The following DNAI7 variants were observed in gnomAD, a reference collection of about 807,000 sequenced individuals.
DNAI7 encodes cancer susceptibility 1.
A neutral mutation model predicts 86.6 loss-of-function variants in DNAI7; 78 were observed. The ratio of observed to expected loss-of-function variants is 0.90; its 90% CI spans 0.75 to 1.09. DNAI7 has a LOEUF of 1.09. Ranked by LOEUF, DNAI7 falls within the 50% of genes least tolerant of loss-of-function variation. DNAI7 has a pLI of 0.00. For missense variants in DNAI7, 753 were observed against 810.2 expected, an observed-to-expected ratio of 0.93 and a Z score of 0.86; for synonymous variants, 274 against 273.0, an observed-to-expected ratio of 1.00 and a Z score of -0.04.
At chr12:25,153,670 C>A (rs983962989) in intron 6 of DNAI7, among the ~76,000 whole-genome samples, 1 of 152,168 alleles carries the variant, frequency 6.6e-6, no homozygotes, top group Non-Finnish European at 1.5e-5. Context: ...TAGCAGTTAG[C>A]TAGCTAAGCC....
chr12:25,144,952 T>C (rs530117201), intron 8 of DNAI7, among the ~76,000 whole-genome samples: 1 of 152,288 alleles, frequency 6.6e-6, no homozygotes, highest in African/African-American at 2.4e-5. Flanking sequence ...CCTTCAATGT[T>C]GATATTACTC....
intron 2 of DNAI7, among the ~76,000 whole-genome samples, chr12:25,162,200 A>G (rs1449821837): frequency 6.6e-6 from 1 of 152,222 alleles, no homozygotes; most frequent in Non-Finnish European, 1.5e-5. Flanking sequence ...AATGTAGAGA[A>G]GATCCAATAA....
chr12:25,184,154 T>C (rs1404574612), intron 2 of DNAI7, among the ~76,000 whole-genome samples: 4 of 152,240 alleles, frequency 2.6e-5, no homozygotes, highest in Non-Finnish European at 4.4e-5. Flanking sequence ...TTCACCCATA[T>C]AAAGTGCACA....
chr12:25,173,094 T>C (rs1283100965), intron 2 of DNAI7, among the ~76,000 whole-genome samples: 1 of 152,078 alleles, frequency 6.6e-6, no homozygotes, highest in Non-Finnish European at 1.5e-5. Flanking sequence ...AAAACAAAGA[T>C]AAATAGCTGG....
At chr12:25,133,295 ACTC>A (rs931019836) in intron 9 of DNAI7, among the ~76,000 whole-genome samples, 37 of 151,900 alleles carry the variant, frequency 2.4e-4, no homozygotes, top group African/African-American at 7.5e-4. Flanking sequence ...TAGATATTAC[ACTC>A]CTATTTCTAT....
chr12:25,123,284 A>C lies in DNAI7; in HGVS notation c.1005T>G (p.Ser335Arg). The part of the protein sequence containing the change: ...EEQGDIEVKM[S>R]SAEEESEAIK... ...TGGCTTCAGATTCTTCCTCAGCAGA[A>C]CTCTATAAAAAACCACAGACATATG... Residue 335 changes from serine (S) to arginine (R), a missense_variant and splice_region_variant, in exon 10 of 16, where the codon AGT (serine) becomes AGG (arginine). Ser to Arg is a moderately radical substitution (Grantham distance 110). Coordinates refer to ENST00000395987, the MANE Select transcript of DNAI7 (RefSeq NM_018272.5). The C allele has an allele frequency of 6.2e-7, 1 of 1,603,320 alleles. No homozygotes were observed. The highest frequency in any genetic ancestry group is 8.5e-7 in the Non-Finnish European group (1 of 1,175,190).
intron 2 of DNAI7, among the ~76,000 whole-genome samples, chr12:25,182,993 G>C (rs1294101068): frequency 6.6e-6 from 1 of 150,408 alleles, no homozygotes; most frequent in Non-Finnish European, 1.5e-5. Flanking sequence ...GAGAGAAGGA[G>C]AGAAAGAAAG....
At position 25,123,357 on chromosome 12, in the gene DNAI7, C is replaced by T. The variant is rs914624251; in HGVS notation, c.1003-71G>A. ...TAGTACAGTCATTGTCTTTGTGTTC[C>T]AGTCCTCACTTCAGATGCCTGCTAC... On this transcript the variant is annotated intron_variant, in intron 9 of 15. Coordinates refer to ENST00000395987, the MANE Select transcript of DNAI7 (RefSeq NM_018272.5). 5.0e-6 allele frequency: 5 copies of T among 1,008,586 alleles called. No homozygotes were observed. The African/African-American group carries it at 8.4e-5, about 17-fold the overall frequency. The allele number at this position is 1,008,586 out of a possible 1,614,324, so 62.5% of individuals were successfully genotyped here. A position where few individuals can be genotyped will look rare whatever the true frequency, so the allele number is the denominator to read the frequency against.
intron 9 of DNAI7, among the ~76,000 whole-genome samples, chr12:25,130,535 TCAAAATAAAATAAAATAAAA>T (rs1942774244): frequency 1.7e-5 from 2 of 114,978 alleles, no homozygotes; most frequent in African/African-American, 6.6e-5. Context: ...AGACTCCCTC[TCAAAATAAAATAAAATAAAA>T]TAAAATAAAA....
chr12:25,107,887 C>T, downstream of DNAI7: 1 of 1,614,146 alleles, frequency 6.2e-7, no homozygotes, highest in Non-Finnish European at 8.5e-7. Context: ...GGCCCTCTGG[C>T]TCTCTATTGC....
At chr12:25,193,793 C>T (rs919885715) in intron 1 of DNAI7, among the ~76,000 whole-genome samples, 2 of 150,848 alleles carry the variant, frequency 1.3e-5, no homozygotes, top group Non-Finnish European at 2.9e-5. Flanking sequence ...TTGCATTCCG[C>T]CAGGAATGCT....
chr12:25,133,963 A>G (rs1412201673), intron 9 of DNAI7, among the ~76,000 whole-genome samples: 5 of 152,102 alleles, frequency 3.3e-5, no homozygotes, highest in Non-Finnish European at 7.4e-5. Flanking sequence ...GCTGATCTTT[A>G]TTTGAGGTTT....
At position 25,158,530 on chromosome 12, in the gene DNAI7, A is replaced by G. The variant is rs770272931; in HGVS notation, c.140T>C (p.Met47Thr). The G allele has an allele frequency of 6.2e-7, 1 of 1,612,850 alleles. No homozygotes were observed. Among genetic ancestry groups the G allele is most frequent in the South Asian group, 1.1e-5 (1 of 90,940 alleles). Residue 47 changes from methionine (M) to threonine (T), a missense_variant, in exon 4 of 16, where the codon ATG becomes ACG. Met to Thr is a moderately conservative substitution (Grantham distance 81). Transcript: ENST00000395987. The stretch of plus-strand genomic sequence containing the variant: ...AATTCGCTGTATTTCAAGCCTTTCC[A>G]TTTCTTCTTTCTCATATTTCAAACG... Reference protein sequence around the residue: ...EARLKYEKEEMERLEIQRIEK... With the variant: ...EARLKYEKEETERLEIQRIEK...
intron 2 of DNAI7, among the ~76,000 whole-genome samples, chr12:25,173,506 A>G (rs1050722267): frequency 6.6e-6 from 1 of 152,142 alleles, no homozygotes; most frequent in Non-Finnish European, 1.5e-5. Flanking sequence ...GCAGGTGGGA[A>G]TGCAAACTAG....
intron 2 of DNAI7, among the ~76,000 whole-genome samples, chr12:25,164,902 G>C (rs548034053): frequency 1.4e-3 from 1 of 730 alleles, no homozygotes; most frequent in Non-Finnish European, 0.017. Flanking sequence ...CACCCGGTCC[G>C]GCTTAGTTTC....
intron 2 of DNAI7, among the ~76,000 whole-genome samples, chr12:25,176,510 A>G (rs1418437361): frequency 6.6e-6 from 1 of 152,092 alleles, no homozygotes; most frequent in Non-Finnish European, 1.5e-5. Context: ...TAATCCATGG[A>G]TAAATGCTAG....
chr12:25,107,959 G>A (rs373668898), downstream of DNAI7: 1 of 1,614,182 alleles, frequency 6.2e-7, no homozygotes. Context: ...CCAGAAGTCT[G>A]TGGATGCCGC....
At position 25,190,628 on chromosome 12, in the gene DNAI7, G is replaced by A; in HGVS notation, c.7C>T (p.Pro3Ser). The A allele has an allele frequency of 7.1e-7, 1 of 1,403,244 alleles. No individual in the cohort carries two copies. 86.9% of individuals were successfully genotyped at this position (1,403,244 alleles called of 1,614,324 possible). A position where few individuals can be genotyped will look rare whatever the true frequency, so the allele number is the denominator to read the frequency against. The change falls in exon 2 of 16, where the codon CCC becomes TCC. Residue 3 changes from proline to serine, a missense_variant. Coordinates refer to ENST00000395987, the MANE Select transcript of DNAI7 (RefSeq NM_018272.5). ...ATTCTACATACCTTTTTTGCTTTGG[G>A]ACCCTAAAAGTTGGAAAACAAAAGA... MG[P>S]KAKKSGSKKK...
intron 8 of DNAI7, among the ~76,000 whole-genome samples, chr12:25,146,051 C>G (rs139094504): frequency 6.6e-6 from 1 of 151,322 alleles, no homozygotes; most frequent in Non-Finnish European, 1.5e-5. Flanking sequence ...GGAGAAACCA[C>G]GTCTCTACTA....
Sources: allele counts gnomAD v4.1 joint callset (sites outside exome capture counted in the v4.1 genomes callset), GRCh38; gene constraint gnomAD v4.1.1; transcripts MANE v1.5; gene names NCBI Gene and HGNC (gene_info 2026-07-23, HGNC 2026-07-21).